The following B3GLCT variants were observed in gnomAD, a reference collection of about 807,000 sequenced individuals.
The protein encoded by B3GLCT is beta-1,3-glucosyltransferase.
Under a neutral mutation model 63.4 loss-of-function variants are expected in B3GLCT, and 65 were observed. The ratio of observed to expected loss-of-function variants is 1.03; its 90% CI spans 0.84 to 1.26. The LOEUF is 1.26. Ranked by LOEUF, B3GLCT falls within the 50% of genes most tolerant of loss-of-function variation. B3GLCT has a pLI of 0.00. For synonymous variants in B3GLCT, 233 were observed against 219.2 expected (o/e 1.06, Z -0.55); for missense variants, 577 against 604.8 (o/e 0.95, Z 0.48).
intron 1 of B3GLCT, among the ~76,000 whole-genome samples, chr13:31,213,183 G>A (rs1479524815): frequency 6.6e-6 from 1 of 152,222 alleles, no homozygotes; most frequent in African/African-American, 2.4e-5. Flanking sequence ...TTTGTGATGT[G>A]ACTCTAGGGT....
At chr13:31,257,937 G>A (rs1871821762) in intron 6 of B3GLCT, among the ~76,000 whole-genome samples, 1 of 152,178 alleles carries the variant, frequency 6.6e-6, no homozygotes, top group South Asian at 2.1e-4. Flanking sequence ...TGCCCACAAG[G>A]AGATGATGTT....
intron 1 of B3GLCT, among the ~76,000 whole-genome samples, chr13:31,206,531 G>T (rs1302754931): frequency 6.6e-6 from 1 of 150,848 alleles, no homozygotes; most frequent in Non-Finnish European, 1.5e-5. Context: ...ACGAGGTCAG[G>T]GGTTCGAGAC....
intron 13 of B3GLCT, among the ~76,000 whole-genome samples, chr13:31,320,686 C>T (rs1875289447): frequency 6.6e-6 from 1 of 152,222 alleles, no homozygotes. Context: ...TATAAGACCT[C>T]TCATGATCTT....
chr13:31,297,926 A>T (rs906569769), intron 12 of B3GLCT, among the ~76,000 whole-genome samples: 13 of 152,170 alleles, frequency 8.5e-5, no homozygotes, highest in African/African-American at 2.9e-4. Context: ...TGGAGCTTCC[A>T]TGCCCTCCAG....
At chr13:31,260,923 C>T in intron 6 of B3GLCT, 23 bp from the exon 7 acceptor site, 3 of 1,606,622 alleles carry the variant, frequency 1.9e-6, no homozygotes, top group South Asian at 2.2e-5. Flanking sequence ...TTTAAAGTGA[C>T]ATGTTATATC....
chr13:31,282,465 C>T (rs200909507), intron 10 of B3GLCT, among the ~76,000 whole-genome samples: 2 of 152,034 alleles, frequency 1.3e-5, no homozygotes, highest in Non-Finnish European at 2.9e-5. Flanking sequence ...CGGTGAAACC[C>T]TGTCTCTACT....
At chr13:31,203,081 C>A (rs1868766520) in intron 1 of B3GLCT, among the ~76,000 whole-genome samples, 1 of 152,128 alleles carries the variant, frequency 6.6e-6, no homozygotes, top group South Asian at 2.1e-4. Flanking sequence ...TGTCACTTCC[C>A]TGTGTGAGCC....
At position 31,295,816 on chromosome 13, in the gene B3GLCT, G is replaced by T. The variant is rs534291313; in HGVS notation, c.1064+8997G>T. On this transcript the variant is annotated intron_variant, in intron 12 of 14. Transcript: ENST00000343307. ...CCTTGCTTTAACCCCCTTTCCAGGG[G>T]AGTGAACAGTTCTGTCTCACTGGCA... is the stretch of plus-strand genomic sequence containing the variant. Among the ~76,000 whole-genome samples, 20 of 152,290 alleles carry T rather than the reference G, an allele frequency of 1.3e-4. No individual in the cohort carries two copies. In the South Asian group the frequency reaches 4.1e-3, roughly 32 times the overall value.
chr13:31,260,909 T>G (rs777858836), intron 6 of B3GLCT, 37 bp from the exon 7 acceptor site: 2 of 1,596,234 alleles, frequency 1.3e-6, no homozygotes, highest in Non-Finnish European at 1.7e-6. Flanking sequence ...ATGAAATGAT[T>G]GTTTTTAAAG....
intron 12 of B3GLCT, among the ~76,000 whole-genome samples, chr13:31,317,292 C>T (rs1255003821): frequency 1.3e-5 from 2 of 152,164 alleles, no homozygotes; most frequent in South Asian, 2.1e-4. Context: ...ATCAGGCAGC[C>T]GTATTATGGC....
intron 11 of B3GLCT, among the ~76,000 whole-genome samples, chr13:31,286,262 C>T (rs575968860): frequency 3.4e-4 from 52 of 152,298 alleles, no homozygotes; most frequent in African/African-American, 1.2e-3. Context: ...TAAATATTTA[C>T]AAAATAAGTA....
chr13:31,320,193 G>A (rs907267882), intron 13 of B3GLCT, among the ~76,000 whole-genome samples: 1 of 152,150 alleles, frequency 6.6e-6, no homozygotes, highest in African/African-American at 2.4e-5. Context: ...GGCCCTCAGT[G>A]GCTTCTCATT....
intron 14 of B3GLCT, 108 bp downstream of exon 14, chr13:31,324,003 C>CTG: frequency 7.3e-7 from 1 of 1,377,376 alleles, no homozygotes; most frequent in Non-Finnish European, 1.0e-6. Context: ...AGACTAAGAA[C>CTG]TGTGTTGACA....
chr13:31,213,095 T>A (rs946069123), intron 1 of B3GLCT, among the ~76,000 whole-genome samples: 1 of 152,042 alleles, frequency 6.6e-6, no homozygotes, highest in South Asian at 2.1e-4. Context: ...TAGATCCTGG[T>A]GAAAATAAAG....
chr13:31,236,662 G>T lies in B3GLCT; in HGVS notation c.270+7368G>T, dbSNP rs182726293. ...ACAAGATCCATAGTGAGCTGTTACA[G>T]CTTAGGTAATTTCATTTTTGGGTTA... On this transcript the variant is annotated intron_variant, in intron 4 of 14. Transcript: ENST00000343307. Among the ~76,000 whole-genome samples the T allele has an allele frequency of 2.6e-3, 390 of 152,314 alleles. 1 individual carries two copies. The highest frequency in any genetic ancestry group is 9.0e-3 in the African/African-American group (375 of 41,566).
At chr13:31,218,567 A>G (rs1158610219) in intron 2 of B3GLCT, among the ~76,000 whole-genome samples, 1 of 152,180 alleles carries the variant, frequency 6.6e-6, no homozygotes, top group Non-Finnish European at 1.5e-5. Context: ...ATTTTTGCAC[A>G]TTGATTTTGT....
At chr13:31,252,127 A>T (rs1273363111) in intron 6 of B3GLCT, among the ~76,000 whole-genome samples, 3 of 152,212 alleles carry the variant, frequency 2.0e-5, no homozygotes, top group Non-Finnish European at 4.4e-5. Context: ...TAAGCTTCAT[A>T]AGGGAAGGAG....
At chr13:31,261,219 A>G in intron 7 of B3GLCT, 137 bp downstream of exon 7, 1 of 988,172 alleles carries the variant, frequency 1.0e-6, no homozygotes, top group Non-Finnish European at 1.5e-6. Context: ...AAGATCTGGA[A>G]AAGGAGCCAG....
At chr13:31,238,258 G>A (rs1870752591) in intron 4 of B3GLCT, among the ~76,000 whole-genome samples, 1 of 152,210 alleles carries the variant, frequency 6.6e-6, no homozygotes. Flanking sequence ...CATCATTACA[G>A]CATGAATCTA....
Sources: allele counts gnomAD v4.1 joint callset (sites outside exome capture counted in the v4.1 genomes callset), GRCh38; gene constraint gnomAD v4.1.1; transcripts MANE v1.5; gene names NCBI Gene and HGNC (gene_info 2026-07-23, HGNC 2026-07-21).